Variants in SLIT2 observed in about 807,000 individuals in gnomAD.
SLIT2 encodes the protein slit homolog 2 protein.
A neutral mutation model predicts 185.7 loss-of-function variants in SLIT2; 41 were observed. The observed-to-expected ratio is 0.22, with a 90% confidence interval of 0.17 to 0.29. The LOEUF is 0.29. Among genes scored for constraint, SLIT2 ranks in the 10% least tolerant of loss-of-function variants. The pLI, the probability that SLIT2 is intolerant of heterozygous loss-of-function variation, is 1.00. For missense variants in SLIT2, 1,571 were observed against 1,909.0 expected (o/e 0.82, Z 3.30); for synonymous variants, 693 against 680.2 (o/e 1.02, Z -0.29).
chr4:20,451,332 C>T (rs1023771387), intron 4 of SLIT2, among the ~76,000 whole-genome samples: 2 of 152,154 alleles, frequency 1.3e-5, no homozygotes, highest in African/African-American at 2.4e-5. Context: ...TGGAGTTAAT[C>T]GACTGACTTC....
chr4:20,289,524 AC>A (rs1241745358), intron 4 of SLIT2, among the ~76,000 whole-genome samples: 1 of 152,194 alleles, frequency 6.6e-6, no homozygotes, highest in Non-Finnish European at 1.5e-5. Context: ...CAAGAAAAAA[AC>A]CCATGAAGGT....
intron 26 of SLIT2, 98 bp from the exon 27 acceptor site, chr4:20,567,164 T>C (rs1004738090): frequency 1.2e-5 from 13 of 1,072,356 alleles, no homozygotes; most frequent in Admixed American, 2.3e-5. Flanking sequence ...TGACCAATAA[T>C]AATTTTATAT....
At chr4:20,497,463 T>G (rs1361728208) in intron 9 of SLIT2, among the ~76,000 whole-genome samples, 1 of 152,086 alleles carries the variant, frequency 6.6e-6, no homozygotes, top group African/African-American at 2.4e-5. Context: ...GAAGAGAGAA[T>G]GACTAATACT....
Position 20,417,436 on chromosome 4 carries a change from G to GTGTA in SLIT2, c.396-50315_396-50314insGTAT, listed in dbSNP as rs1553898364. On this transcript the variant is annotated intron_variant, in intron 4 of 36. Transcript: ENST00000504154. ...CGCAATCATATATATATGTGTGTGT[G>GTGTA]TATATATATATATATATATATACGT... is the stretch of plus-strand genomic sequence containing the variant. Among the ~76,000 whole-genome samples, 65 of 123,678 alleles carry GTGTA rather than the reference G, an allele frequency of 5.3e-4. 1 individual carries two copies. The highest frequency in any genetic ancestry group is 5.0e-3 in the Middle Eastern group (1 of 200). 81.1% of individuals were successfully genotyped at this position (123,678 alleles called of 152,430 possible). A position where few individuals can be genotyped will look rare whatever the true frequency, so the allele number is the denominator to read the frequency against.
intron 4 of SLIT2, among the ~76,000 whole-genome samples, chr4:20,377,964 A>G (rs1398679472): frequency 6.6e-6 from 1 of 152,196 alleles, no homozygotes; most frequent in Non-Finnish European, 1.5e-5. Flanking sequence ...TGGTGGTTTT[A>G]GAAAGTTGTT....
At chr4:20,562,367 A>G (rs1724764897) in intron 26 of SLIT2, among the ~76,000 whole-genome samples, 2 of 151,800 alleles carry the variant, frequency 1.3e-5, no homozygotes, top group Non-Finnish European at 2.9e-5. Flanking sequence ...AATTCTCAGT[A>G]GATTTCAATC....
intron 4 of SLIT2, among the ~76,000 whole-genome samples, chr4:20,338,783 CTTAA>C (rs1720719658): frequency 6.6e-6 from 1 of 152,014 alleles, no homozygotes; most frequent in Non-Finnish European, 1.5e-5. Flanking sequence ...TTATTGTTCC[CTTAA>C]TTAATAAATC....
chr4:20,278,225 T>TGGG (rs1221052333), intron 4 of SLIT2, among the ~76,000 whole-genome samples: 1 of 150,666 alleles, frequency 6.6e-6, no homozygotes, highest in Non-Finnish European at 1.5e-5. Context: ...AATGCTTATC[T>TGGG]GTTTTTTTTT....
At chr4:20,348,931 C>T (rs1721650989) in intron 4 of SLIT2, among the ~76,000 whole-genome samples, 1 of 152,168 alleles carries the variant, frequency 6.6e-6, no homozygotes, top group African/African-American at 2.4e-5. Context: ...TGAATCTAAA[C>T]AAATCACTGT....
At chr4:20,359,700 G>C (rs533577270) in intron 4 of SLIT2, among the ~76,000 whole-genome samples, 1 of 152,124 alleles carries the variant, frequency 6.6e-6, no homozygotes, top group South Asian at 2.1e-4. Context: ...TTGTTACAAG[G>C]CCAGTGGCTG....
At chr4:20,543,792 C>A (rs534102569) in intron 21 of SLIT2, among the ~76,000 whole-genome samples, 31 of 152,278 alleles carry the variant, frequency 2.0e-4, no homozygotes, top group African/African-American at 6.7e-4. Context: ...TAGATTTGAA[C>A]TGCTGTTAAG....
chr4:20,261,039 C>T (rs1052113785), intron 3 of SLIT2, among the ~76,000 whole-genome samples: 3 of 151,772 alleles, frequency 2.0e-5, no homozygotes, highest in East Asian at 1.9e-4. Flanking sequence ...GTTGTAATCA[C>T]GTCTGCATAC....
chr4:20,371,688 T>C (rs1041796310), intron 4 of SLIT2, among the ~76,000 whole-genome samples: 9 of 152,070 alleles, frequency 5.9e-5, no homozygotes, highest in African/African-American at 1.9e-4. Context: ...AAAAATGCAC[T>C]GTGATCATCA....
At chr4:20,539,319 G>T (rs1204396351) in intron 18 of SLIT2, 122 bp from the exon 19 acceptor site, 2 of 805,926 alleles carry the variant, frequency 2.5e-6, no homozygotes, top group Non-Finnish European at 3.9e-6. Flanking sequence ...AATAGCAAGA[G>T]AACATTTTTA....
chr4:20,302,935 A>G (rs1717190998), intron 4 of SLIT2, among the ~76,000 whole-genome samples: 1 of 152,204 alleles, frequency 6.6e-6, no homozygotes, highest in Admixed American at 6.5e-5. Context: ...GTTAAAATCC[A>G]TTCACTGATG....
At position 20,491,781 on chromosome 4, in the gene SLIT2, C is replaced by T; in HGVS notation, c.796C>T (p.Pro266Ser). ...VCSGHQSFMA[P>S]SCSVLHCPAA... is the part of the protein sequence containing the mutation. ...TTTAGGTCACCAGTCATTTATGGCT[C>T]CTTCTTGTAGTGTTTTGCACTGCCC... Residue 266 changes from proline to serine, a missense_variant, in exon 9 of 37, where the codon CCT becomes TCT. Pro to Ser is a moderately conservative substitution (Grantham distance 74, BLOSUM62 -1). This residue lies in a region of SLIT2 where 1,202 missense variants were observed against 1,416.4 expected (regional missense o/e 0.85). Coordinates refer to ENST00000504154, the MANE Select transcript of SLIT2 (RefSeq NM_004787.4). 1.2e-6 allele frequency: 2 copies of T among 1,610,996 alleles called. No individual in the cohort carries two copies. The highest frequency in any genetic ancestry group is 1.7e-6 in the Non-Finnish European group (2 of 1,178,506).
chr4:20,488,597 CAT>C (rs1480390487), intron 7 of SLIT2, among the ~76,000 whole-genome samples: 6 of 151,988 alleles, frequency 3.9e-5, no homozygotes, highest in Non-Finnish European at 8.8e-5. Context: ...TCGTTTAAAA[CAT>C]AATTTTATGG....
intron 3 of SLIT2, among the ~76,000 whole-genome samples, chr4:20,264,047 A>G (rs928303523): frequency 1.3e-5 from 2 of 151,858 alleles, no homozygotes; most frequent in Non-Finnish European, 2.9e-5. Context: ...CTCTGAGTCT[A>G]TAGAGAAATA....
intron 4 of SLIT2, among the ~76,000 whole-genome samples, chr4:20,394,346 G>A (rs945509405): frequency 2.6e-5 from 4 of 151,884 alleles, no homozygotes; most frequent in East Asian, 1.9e-4. Flanking sequence ...AATATGTATG[G>A]AACTTTATTT....
Sources: allele counts gnomAD v4.1 joint callset (sites outside exome capture counted in the v4.1 genomes callset), GRCh38; gene constraint gnomAD v4.1.1; regional missense constraint gnomAD v4.1.1; transcripts MANE v1.5; gene names NCBI Gene and HGNC (gene_info 2026-07-23, HGNC 2026-07-21).